The following PPP1R1C variants were observed in gnomAD, a reference collection of about 807,000 sequenced individuals.
PPP1R1C encodes protein phosphatase 1 regulatory subunit 1C.
Under a neutral mutation model 17.4 loss-of-function variants are expected in PPP1R1C, and 15 were observed. The ratio of observed to expected loss-of-function variants is 0.86; its 90% confidence interval spans 0.58 to 1.33. The LOEUF (loss-of-function observed/expected upper bound fraction) is 1.33, where lower values mean the gene tolerates loss of function less well. Among genes scored for constraint, PPP1R1C ranks in the 40% most tolerant of loss-of-function variants. The pLI is 0.00. For missense variants in PPP1R1C, 143 were observed against 130.0 expected (o/e 1.10, Z -0.48); for synonymous variants, 35 against 43.1 (o/e 0.81, Z 0.73).
At chr2:182,070,094 G>C (rs2125203965) in intron 4 of PPP1R1C, among the ~76,000 whole-genome samples, 1 of 152,304 alleles carries the variant, frequency 6.6e-6, no homozygotes, top group African/African-American at 2.4e-5. Context: ...TTTAGACAAA[G>C]ACATCTGGAG....
intron 2 of PPP1R1C, among the ~76,000 whole-genome samples, chr2:182,009,986 T>C (rs991416779): frequency 1.2e-4 from 18 of 152,152 alleles, no homozygotes; most frequent in African/African-American, 3.9e-4. Context: ...GGTCTGTGTG[T>C]CTGTTTTTAT....
upstream of PPP1R1C, among the ~76,000 whole-genome samples, chr2:181,985,649 C>T (rs1685277278): frequency 6.6e-6 from 1 of 152,144 alleles, no homozygotes; most frequent in Non-Finnish European, 1.5e-5. This position sits in a 1 kb window ranked among gnomAD's most constrained non-coding sequence, Gnocchi z 4.1. Context: ...GCTTGATGTT[C>T]ATCAATAATG....
chr2:182,102,958 C>T (rs1689141641), intron 4 of PPP1R1C, among the ~76,000 whole-genome samples: 1 of 151,982 alleles, frequency 6.6e-6, no homozygotes, highest in African/African-American at 2.4e-5. Flanking sequence ...AGGTACACAC[C>T]ACCATGCATG....
intron 5 of PPP1R1C, among the ~76,000 whole-genome samples, chr2:182,123,638 G>A (rs570580573): frequency 2.1e-4 from 32 of 152,260 alleles, no homozygotes; most frequent in South Asian, 8.3e-4. Context: ...TTTGTTGACC[G>A]CATAAATGTC....
chr2:182,040,749 T>G (rs1687157595), intron 2 of PPP1R1C, among the ~76,000 whole-genome samples: 1 of 152,068 alleles, frequency 6.6e-6, no homozygotes, highest in South Asian at 2.1e-4. Context: ...TCTTACAGAG[T>G]TTTTCCTAGG....
intron 2 of PPP1R1C, among the ~76,000 whole-genome samples, chr2:182,046,067 C>G (rs1220954182): frequency 6.6e-6 from 1 of 151,822 alleles, no homozygotes; most frequent in African/African-American, 2.4e-5. Flanking sequence ...CATATAGTTA[C>G]TTTTTTCTTT....
At chr2:182,094,804 C>A (rs1477728593) in intron 4 of PPP1R1C, among the ~76,000 whole-genome samples, 1 of 152,186 alleles carries the variant, frequency 6.6e-6, no homozygotes, top group Non-Finnish European at 1.5e-5. Context: ...AATAATGGAA[C>A]AGTAGGCATA....
chr2:182,032,988 C>T (rs1276639102), intron 2 of PPP1R1C, among the ~76,000 whole-genome samples: 1 of 152,094 alleles, frequency 6.6e-6, no homozygotes, highest in Non-Finnish European at 1.5e-5. Context: ...TCATTTTAGC[C>T]TGTTGCAGTC....
chr2:182,115,883 C>T (rs1056372380), intron 4 of PPP1R1C, among the ~76,000 whole-genome samples: 1 of 152,024 alleles, frequency 6.6e-6, no homozygotes, highest in African/African-American at 2.4e-5. Context: ...GACTTCCTTT[C>T]ATTTATCAAT....
chr2:182,107,340 T>G (rs1223952794), intron 4 of PPP1R1C, among the ~76,000 whole-genome samples: 3 of 152,230 alleles, frequency 2.0e-5, no homozygotes, highest in Non-Finnish European at 4.4e-5. Flanking sequence ...TGCTTAAAAT[T>G]CATCAGTTCT....
chr2:182,027,085 G>A (rs1686639320), intron 2 of PPP1R1C, among the ~76,000 whole-genome samples: 1 of 143,000 alleles, frequency 7.0e-6, no homozygotes, highest in South Asian at 2.4e-4. Flanking sequence ...TGCTGAAGTT[G>A]CTTATCAGCT....
chr2:182,120,979 A>G (rs534251396), downstream of PPP1R1C, among the ~76,000 whole-genome samples: 1 of 152,342 alleles, frequency 6.6e-6, no homozygotes, highest in African/African-American at 2.4e-5. Flanking sequence ...TTTGAGAAAT[A>G]TGTTGACTTT....
chr2:182,098,724 T>A (rs1399358495), intron 4 of PPP1R1C, among the ~76,000 whole-genome samples: 5 of 152,190 alleles, frequency 3.3e-5, no homozygotes, highest in African/African-American at 1.2e-4. Flanking sequence ...GACATTTCCA[T>A]AATGTATGGG....
chr2:181,956,401 G>T (rs939622088), intron 1 of PPP1R1C, among the ~76,000 whole-genome samples: 3 of 152,138 alleles, frequency 2.0e-5, no homozygotes, highest in South Asian at 2.1e-4. Context: ...TATAATCCTT[G>T]GGGTATATAC....
intron 2 of PPP1R1C, among the ~76,000 whole-genome samples, chr2:182,037,453 G>C (rs1450443444): frequency 6.6e-6 from 1 of 152,122 alleles, no homozygotes; most frequent in East Asian, 1.9e-4. Flanking sequence ...TGGGTGTGGT[G>C]GTGGGTGCCT....
chr2:182,025,062 A>C (rs1686556511), intron 2 of PPP1R1C, among the ~76,000 whole-genome samples: 1 of 150,886 alleles, frequency 6.6e-6, no homozygotes, highest in Admixed American at 6.6e-5. Context: ...TTGCACATGT[A>C]CTGCATAAAT....
intron 2 of PPP1R1C, among the ~76,000 whole-genome samples, chr2:182,035,049 C>G (rs1055956098): frequency 3.3e-5 from 5 of 152,178 alleles, no homozygotes; most frequent in African/African-American, 1.2e-4. Context: ...TGCCTGGCAC[C>G]TCCTTGTTGC....
chr2:181,989,030 A>C (rs951465800), intron 2 of PPP1R1C, among the ~76,000 whole-genome samples: 2 of 152,192 alleles, frequency 1.3e-5, no homozygotes, highest in African/African-American at 4.8e-5. Context: ...ATGATATGTA[A>C]TTATAATTCT....
downstream of PPP1R1C, among the ~76,000 whole-genome samples, chr2:182,120,898 G>A (rs1250032914): frequency 6.6e-6 from 1 of 152,028 alleles, no homozygotes; most frequent in Non-Finnish European, 1.5e-5. Context: ...TTTTCTTTGG[G>A]AAATGGTTTC....
Sources: allele counts gnomAD v4.1 joint callset (sites outside exome capture counted in the v4.1 genomes callset), GRCh38; gene constraint gnomAD v4.1.1; non-coding constraint Gnocchi (gnomAD v3.1); transcripts MANE v1.5; gene names NCBI Gene and HGNC (gene_info 2026-07-23, HGNC 2026-07-21).